Variants in SLTM observed in about 807,000 individuals in gnomAD.
The protein encoded by SLTM is SAFB-like transcription modulator.
A neutral mutation model predicts 134.6 loss-of-function variants in SLTM; 43 were observed. That is an observed-to-expected ratio of 0.32 (90% confidence interval 0.25 to 0.41). The LOEUF is 0.41. SLTM is among the 10% of genes least tolerant of loss of function. SLTM has a pLI of 1.00. For missense variants in SLTM, 1,055 were observed against 1,288.8 expected (o/e 0.82, Z 2.78); for synonymous variants, 424 against 432.3 (o/e 0.98, Z 0.24).
At chr15:58,891,640 C>G (rs1205880414) in intron 14 of SLTM, among the ~76,000 whole-genome samples, 2 of 152,152 alleles carry the variant, frequency 1.3e-5, no homozygotes, top group Admixed American at 1.3e-4. Flanking sequence ...GAAGCTGTCC[C>G]ATTCTCAGTG....
chr15:58,932,509 GAAAA>G (rs1298381627), intron 1 of SLTM, 66 bp from the exon 2 acceptor site: 1 of 1,284,724 alleles, frequency 7.8e-7, no homozygotes, highest in Non-Finnish European at 1.1e-6. Flanking sequence ...AAAACGAAAT[GAAAA>G]AAAATTTAGC....
intron 20 of SLTM, among the ~76,000 whole-genome samples, chr15:58,881,346 G>GA (rs1167838905): frequency 6.6e-6 from 1 of 152,042 alleles, no homozygotes; most frequent in Non-Finnish European, 1.5e-5. Context: ...CCAACAAAGT[G>GA]AAACCTCCAT....
At chr15:58,886,216 A>T (rs1567103032) in intron 19 of SLTM, among the ~76,000 whole-genome samples, 2 of 125,520 alleles carry the variant, frequency 1.6e-5, no homozygotes, top group Non-Finnish European at 3.3e-5. Flanking sequence ...GAGAAAAAGA[A>T]GAGTGTGTGT....
chr15:58,898,301 T>G (rs1325376063), intron 8 of SLTM: 1 of 152,346 alleles, frequency 6.6e-6, no homozygotes, highest in Non-Finnish European at 1.5e-5. Flanking sequence ...CTCATGGGCA[T>G]GAGATAACCA....
intron 5 of SLTM, among the ~76,000 whole-genome samples, chr15:58,909,359 GAACT>G (rs1433014330): frequency 3.7e-4 from 56 of 152,086 alleles, no homozygotes; most frequent in African/African-American, 1.2e-3. Flanking sequence ...GAAAAATTAA[GAACT>G]AACTGGCCAC....
At chr15:58,886,267 ATTTT>A (rs1176538612) in intron 19 of SLTM, among the ~76,000 whole-genome samples, 1 of 54,876 alleles carries the variant, frequency 1.8e-5, no homozygotes, top group Non-Finnish European at 4.0e-5. Context: ...GTGTGTGTGT[ATTTT>A]TTTTTTTTTT....
chr15:58,917,136 C>G (rs2036705633), intron 2 of SLTM, 137 bp from the exon 3 acceptor site: 3 of 748,472 alleles, frequency 4.0e-6, no homozygotes, highest in African/African-American at 3.5e-5. Flanking sequence ...TTCTAAACCA[C>G]CTGCTCAGAG....
chr15:58,893,207 TA>T (rs2034802576), intron 13 of SLTM, 71 bp downstream of exon 13: 4 of 1,462,072 alleles, frequency 2.7e-6, no homozygotes, highest in African/African-American at 2.8e-5. Flanking sequence ...CAAAGATGGT[TA>T]TGGAAAAACA....
chr15:58,928,529 C>G (rs1262384399), intron 2 of SLTM, among the ~76,000 whole-genome samples: 1 of 152,128 alleles, frequency 6.6e-6, no homozygotes, highest in Non-Finnish European at 1.5e-5. Context: ...ATAACATTAT[C>G]AACATTGTTT....
At chr15:58,908,859 T>A (rs1006006140) in intron 5 of SLTM, among the ~76,000 whole-genome samples, 9 of 152,226 alleles carry the variant, frequency 5.9e-5, no homozygotes, top group African/African-American at 1.7e-4. Context: ...AGTAACTACA[T>A]TGGTGGTAGT....
intron 5 of SLTM, among the ~76,000 whole-genome samples, chr15:58,907,877 A>G (rs2035975036): frequency 6.6e-6 from 1 of 152,152 alleles, no homozygotes; most frequent in African/African-American, 2.4e-5. Flanking sequence ...AACTAATAGA[A>G]GTAGAATCTG....
In SLTM at chr15:58,893,315, A is replaced by G. The variant is rs529203850; in HGVS notation, c.1698T>C (p.Asp566=). 1.2e-6 allele frequency: 2 copies of G among 1,611,732 alleles called. No homozygotes were observed. Among genetic ancestry groups the G allele is most frequent in the African/African-American group, 2.7e-5 (2 of 74,964 alleles). ...TTCCTCTTCTTGATGGTCTACAATG[A>G]TCTCCTTTAGTTTGGTCTAGTATTA... The part of the protein sequence containing the change: ...HMVILDQTKG[D]HCRPSRRGRY... The change falls in exon 13 of 21, where the codon GAT becomes GAC. Residue 566 remains aspartate (D), a synonymous_variant. Transcript: ENST00000380516.
At position 58,908,501 on chromosome 15, in the gene SLTM, G is replaced by A. The variant is rs1412733719; in HGVS notation, c.561+4062C>T. On this transcript the variant is annotated intron_variant, in intron 5 of 20. Coordinates refer to ENST00000380516, the MANE Select transcript of SLTM (RefSeq NM_024755.4). ...CCAGCCTCAGCCTCCTGAGTAGCTGGGACTACAGGCACAGACCACCATACC... is the reference window on the plus strand; with the variant it reads ...CCAGCCTCAGCCTCCTGAGTAGCTGAGACTACAGGCACAGACCACCATACC... Among the ~76,000 whole-genome samples, 3 of 151,996 alleles carry A rather than the reference G, an allele frequency of 2.0e-5. No individual in the cohort carries two copies. In the East Asian group the frequency reaches 5.8e-4, roughly 29 times the overall value.
chr15:58,882,392 T>C (rs1221562707), intron 20 of SLTM, among the ~76,000 whole-genome samples: 1 of 152,056 alleles, frequency 6.6e-6, no homozygotes, highest in Non-Finnish European at 1.5e-5. Flanking sequence ...AGCACTTACA[T>C]GGCAGTGGCA....
chr15:58,883,364 C>T (rs1224781619), intron 20 of SLTM: 2 of 373,520 alleles, frequency 5.4e-6, no homozygotes, highest in African/African-American at 4.1e-5. Context: ...TTACTGGATC[C>T]TGCCATACGT....
chr15:58,919,238 A>G (rs1157720416), intron 2 of SLTM, among the ~76,000 whole-genome samples: 1 of 152,146 alleles, frequency 6.6e-6, no homozygotes, highest in Non-Finnish European at 1.5e-5. Flanking sequence ...TTACATTTAG[A>G]GAAAGTTCCA....
intron 17 of SLTM, chr15:58,887,759 G>T: frequency 6.8e-6 from 2 of 292,754 alleles, no homozygotes; most frequent in Non-Finnish European, 1.0e-5. Flanking sequence ...CAGGAGAAAT[G>T]ATACCGAACA....
intron 2 of SLTM, among the ~76,000 whole-genome samples, chr15:58,918,654 T>C (rs2141166340): frequency 6.6e-6 from 1 of 152,334 alleles, no homozygotes. Context: ...CGTTTGCATT[T>C]TGGGGAAAAC....
chr15:58,929,386 T>G (rs2037709795), intron 2 of SLTM, among the ~76,000 whole-genome samples: 1 of 150,032 alleles, frequency 6.7e-6, no homozygotes, highest in African/African-American at 2.5e-5. Context: ...AGGCGGAGGT[T>G]GCAGTGAGCC....
Sources: allele counts gnomAD v4.1 joint callset (sites outside exome capture counted in the v4.1 genomes callset), GRCh38; gene constraint gnomAD v4.1.1; transcripts MANE v1.5; gene names NCBI Gene and HGNC (gene_info 2026-07-23, HGNC 2026-07-21).